Variants in CALN1 observed in about 807,000 individuals in gnomAD.
CALN1 encodes the protein calcium-binding protein 8.
A neutral mutation model predicts 30.6 loss-of-function variants in CALN1; 17 were observed. The observed-to-expected ratio is 0.56, with a 90% confidence interval of 0.38 to 0.83. CALN1 has a LOEUF of 0.83. Ranked by LOEUF, CALN1 falls within the 40% of genes least tolerant of loss-of-function variation. CALN1 has a pLI of 0.00. For synonymous variants in CALN1, 156 were observed against 131.4 expected, an observed-to-expected ratio of 1.19 and a Z score of -1.28; for missense variants, 291 against 354.9, an observed-to-expected ratio of 0.82 and a Z score of 1.45.
At chr7:72,079,485 T>C (rs923098170) in intron 4 of CALN1, among the ~76,000 whole-genome samples, 3 of 152,168 alleles carry the variant, frequency 2.0e-5, no homozygotes, top group African/African-American at 4.8e-5. Flanking sequence ...CACACAGCTA[T>C]TAAGTTGGTA....
the CALN1 span, among the ~76,000 whole-genome samples, chr7:72,480,237 G>A: frequency 7.2e-3 from 1,102 of 152,294 alleles, 35 homozygotes; most frequent in Admixed American, 0.055. Context: ...CTAGTTTTCC[G>A]AGAGTACTTG....
chr7:72,015,020 G>T (rs1430667186), intron 5 of CALN1, among the ~76,000 whole-genome samples: 2 of 152,174 alleles, frequency 1.3e-5, no homozygotes, highest in Non-Finnish European at 2.9e-5. Flanking sequence ...TTATTTGATT[G>T]TTCCATTGCC....
chr7:72,463,742 G>T, the CALN1 span, among the ~76,000 whole-genome samples: 4 of 151,168 alleles, frequency 2.6e-5, no homozygotes, highest in Admixed American at 6.6e-5. Context: ...AATTTTTTTT[G>T]TATAGATGGG....
chr7:72,073,239 A>AC (rs879544749), intron 4 of CALN1, among the ~76,000 whole-genome samples: 3 of 152,196 alleles, frequency 2.0e-5, no homozygotes, highest in Non-Finnish European at 2.9e-5. Flanking sequence ...GTTGACAGGA[A>AC]CTGGGGGGAA....
At chr7:72,021,369 G>A (rs1248721916) in intron 5 of CALN1, among the ~76,000 whole-genome samples, 2 of 152,048 alleles carry the variant, frequency 1.3e-5, no homozygotes, top group African/African-American at 2.4e-5. Flanking sequence ...GAAGCAACTC[G>A]CCAAGGCCCA....
At chr7:71,882,552 T>G (rs13230689) in intron 5 of CALN1, among the ~76,000 whole-genome samples, 17,415 of 152,184 alleles carry the variant, frequency 0.11, 1,446 homozygotes, top group East Asian at 0.43. Flanking sequence ...TTAGCCACAC[T>G]AGCCATCTTG....
chr7:72,366,585 T>C (rs1803890291), intron 2 of CALN1, among the ~76,000 whole-genome samples: 1 of 152,152 alleles, frequency 6.6e-6, no homozygotes, highest in African/African-American at 2.4e-5. Context: ...ACCAGTCATC[T>C]GAGCAATGTA....
chr7:71,886,003 A>C (rs1221188470), intron 5 of CALN1, among the ~76,000 whole-genome samples: 1 of 152,148 alleles, frequency 6.6e-6, no homozygotes, highest in Non-Finnish European at 1.5e-5. Context: ...AAACATATCC[A>C]CCATTTTAAC....
intron 4 of CALN1, among the ~76,000 whole-genome samples, chr7:72,027,933 C>CTA (rs1350759191): frequency 7.9e-5 from 12 of 151,670 alleles, no homozygotes; most frequent in African/African-American, 1.5e-4. Context: ...GTGGCGGGCG[C>CTA]CTGTAGTCCC....
At chr7:72,398,104 A>G (rs1806100182) in intron 2 of CALN1, among the ~76,000 whole-genome samples, 3 of 152,154 alleles carry the variant, frequency 2.0e-5, no homozygotes, top group Admixed American at 1.3e-4. Flanking sequence ...CAGGGAAGAG[A>G]GGCAAGAAGA....
At chr7:72,363,440 T>G (rs1803683212) in intron 2 of CALN1, among the ~76,000 whole-genome samples, 1 of 151,746 alleles carries the variant, frequency 6.6e-6, no homozygotes, top group African/African-American at 2.4e-5. Context: ...GGTTTCGCCA[T>G]GTTGGCCAGG....
chr7:72,253,678 C>T (rs1468063019), intron 3 of CALN1, among the ~76,000 whole-genome samples: 2 of 152,224 alleles, frequency 1.3e-5, no homozygotes, highest in East Asian at 1.9e-4. Context: ...CCAGGTCTCT[C>T]CCTGGACATG....
At chr7:72,131,343 G>A (rs1425227176) in intron 3 of CALN1, among the ~76,000 whole-genome samples, 1 of 152,070 alleles carries the variant, frequency 6.6e-6, no homozygotes, top group African/African-American at 2.4e-5. Flanking sequence ...TGATAAAATG[G>A]CTGACTCCAT....
the CALN1 span, among the ~76,000 whole-genome samples, chr7:72,490,915 T>C: frequency 6.6e-6 from 1 of 152,164 alleles, no homozygotes; most frequent in African/African-American, 2.4e-5. Context: ...GTTGTGAAAA[T>C]TGCATTATAT....
chr7:72,205,551 A>AAAATATATACATATATATAT lies in CALN1; in HGVS notation c.244+73134_244+73135insATATATATATGTATATATTT. On this transcript the variant is annotated intron_variant, in intron 3 of 6. Coordinates refer to ENST00000395275, the MANE Select transcript of CALN1 (RefSeq NM_031468.4). ...ATTTTTCTCCTGATTGCAAAAAAAA[A>AAAATATATACATATATATAT]ATATATATATATATATGTATATATA... Among the ~76,000 whole-genome samples the AAAATATATACATATATATAT allele has an allele frequency of 2.9e-4, 24 of 83,048 alleles. 3 individuals carry two copies. Among genetic ancestry groups the AAAATATATACATATATATAT allele is most frequent in the African/African-American group, 1.8e-3 (24 of 13,412 alleles). The allele number at this position is 83,048 out of a possible 152,430, so 54.5% of individuals were successfully genotyped here.
At chr7:72,488,438 A>G in the CALN1 span, among the ~76,000 whole-genome samples, 2 of 152,194 alleles carry the variant, frequency 1.3e-5, no homozygotes, top group African/African-American at 2.4e-5. Context: ...GAATTGATAG[A>G]GGTTAGGGGG....
intron 2 of CALN1, among the ~76,000 whole-genome samples, chr7:72,360,642 C>T (rs771858481): frequency 6.8e-6 from 1 of 147,440 alleles, no homozygotes; most frequent in South Asian, 2.2e-4. Flanking sequence ...CTAGGGTACA[C>T]GTGCACAACG....
intron 2 of CALN1, chr7:72,337,112 C>G (rs1802115970): frequency 2.0e-6 from 2 of 985,758 alleles, no homozygotes; most frequent in Non-Finnish European, 2.4e-6. Context: ...CTCGCTGCGC[C>G]CCGGAGCCCA....
intron 6 of CALN1, among the ~76,000 whole-genome samples, chr7:71,805,388 C>A (rs1194646927): frequency 2.6e-5 from 4 of 152,132 alleles, no homozygotes; most frequent in Non-Finnish European, 2.9e-5. Flanking sequence ...TCCTTTCCCT[C>A]TCATTGGTCA....
Sources: allele counts gnomAD v4.1 joint callset (sites outside exome capture counted in the v4.1 genomes callset), GRCh38; gene constraint gnomAD v4.1.1; transcripts MANE v1.5; gene names NCBI Gene and HGNC (gene_info 2026-07-23, HGNC 2026-07-21).